PTCHD4: variants seen among roughly 807,000 people sequenced by gnomAD.
PTCHD4 encodes patched domain containing 4.
PTCHD4 carries 33 observed loss-of-function variants against 58.1 expected under a neutral mutation model. The observed-to-expected ratio is 0.57, with a 90% confidence interval of 0.43 to 0.76. The LOEUF is 0.76. Ranked by LOEUF, PTCHD4 falls within the 30% of genes least tolerant of loss-of-function variation. The probability of loss-of-function intolerance (pLI) is 0.00; values close to 1 mark genes in which losing one functional copy is unlikely to be tolerated. For synonymous variants in PTCHD4, 478 were observed against 409.6 expected (o/e 1.17, Z -2.02); for missense variants, 1,058 against 1,027.1 (o/e 1.03, Z -0.41).
rs145954910 is a variant in PTCHD4 at position 47,943,621 on chromosome 6, C to T, written c.899-63685G>A. ...GTGGTCAGCCAAATCCCCCCTGCTG[C>T]TTGTTTTTGTAAACAACGTTTTATT... On this transcript the variant is annotated intron_variant, in intron 4 of 4. Transcript: ENST00000339488. Among the ~76,000 whole-genome samples, 275 of 152,140 alleles carry T rather than the reference C, an allele frequency of 1.8e-3. 1 individual carries two copies. The highest frequency in any genetic ancestry group is 6.3e-3 in the African/African-American group (262 of 41,532).
At chr6:48,095,540 C>G (rs553809213) in intron 1 of PTCHD4, among the ~76,000 whole-genome samples, 31 of 151,966 alleles carry the variant, frequency 2.0e-4, no homozygotes, top group Middle Eastern at 3.4e-3. Flanking sequence ...AAAAAATTAA[C>G]CGGGTGTGGC....
chr6:48,110,762 G>C (rs1765854088), intron 1 of PTCHD4, among the ~76,000 whole-genome samples: 1 of 145,214 alleles, frequency 6.9e-6, no homozygotes, highest in Non-Finnish European at 1.5e-5. Context: ...ACTGTGGTTA[G>C]TAATCTTTTC....
intron 4 of PTCHD4, among the ~76,000 whole-genome samples, chr6:47,991,556 G>T (rs1391203126): frequency 6.6e-6 from 1 of 152,004 alleles, no homozygotes; most frequent in Non-Finnish European, 1.5e-5. Context: ...CGGTAAATAT[G>T]TGTATTAGTA....
intron 3 of PTCHD4, among the ~76,000 whole-genome samples, chr6:48,026,809 G>A (rs1040919063): frequency 2.7e-4 from 41 of 152,186 alleles, no homozygotes; most frequent in African/African-American, 9.4e-4. Flanking sequence ...ATAGTCCATA[G>A]CCTCCACAAG....
chr6:48,007,946 A>G (rs900175172), intron 4 of PTCHD4, among the ~76,000 whole-genome samples: 1 of 151,990 alleles, frequency 6.6e-6, no homozygotes, highest in African/African-American at 2.4e-5. Flanking sequence ...GCACACACAC[A>G]CACACACACA....
chr6:48,055,179 T>G (rs188192675), intron 3 of PTCHD4, among the ~76,000 whole-genome samples: 205 of 152,312 alleles, frequency 1.3e-3, no homozygotes, highest in Non-Finnish European at 2.2e-3. Flanking sequence ...GTAAAAACAT[T>G]TGTTGCTTTA....
intron 4 of PTCHD4, among the ~76,000 whole-genome samples, chr6:47,921,916 G>T (rs1402128527): frequency 6.7e-6 from 1 of 149,168 alleles, no homozygotes; most frequent in Non-Finnish European, 1.5e-5. Context: ...TTTGAGACCA[G>T]CCTGGGCAGC....
At chr6:47,902,826 T>C (rs1245200068) in intron 4 of PTCHD4, among the ~76,000 whole-genome samples, 3 of 152,220 alleles carry the variant, frequency 2.0e-5, no homozygotes, top group African/African-American at 7.2e-5. Context: ...ATGTTTTTCT[T>C]TGTTACAAAG....
chr6:47,909,373 T>G (rs1324923213), intron 4 of PTCHD4, among the ~76,000 whole-genome samples: 1 of 152,160 alleles, frequency 6.6e-6, no homozygotes. Flanking sequence ...TGAAAGGTTT[T>G]GCTCACATGA....
intron 4 of PTCHD4, among the ~76,000 whole-genome samples, chr6:47,956,445 T>G (rs558849662): frequency 9.9e-5 from 15 of 152,128 alleles, no homozygotes; most frequent in Admixed American, 9.2e-4. Flanking sequence ...TATTTTTATT[T>G]TTTTTTGAGA....
At chr6:48,026,352 T>C (rs1463908940) in intron 3 of PTCHD4, among the ~76,000 whole-genome samples, 1 of 152,190 alleles carries the variant, frequency 6.6e-6, no homozygotes, top group African/African-American at 2.4e-5. Flanking sequence ...ACTAACGATA[T>C]GTTTTGCCAG....
At chr6:47,920,755 A>G (rs548410901) in intron 4 of PTCHD4, among the ~76,000 whole-genome samples, 1 of 152,328 alleles carries the variant, frequency 6.6e-6, no homozygotes, top group Non-Finnish European at 1.5e-5. Context: ...ACATAGTGTA[A>G]AGAATTAGCT....
Position 47,859,942 on chromosome 6 carries a change from T to C in PTCHD4, c.*18361A>G, listed in dbSNP as rs1173664631. 6.6e-6 allele frequency among the ~76,000 whole-genome samples: 1 copy of C among 151,552 alleles called. No homozygotes were observed. The highest frequency in any genetic ancestry group is 1.5e-5 in the Non-Finnish European group (1 of 67,788). On this transcript the variant is annotated 3_prime_UTR_variant, in exon 5 of 5. Transcript: ENST00000339488. ...ACAAAGGGGGCAGTGGCTGGAGAAGTGGTCAGAGCAGGAGACAGGGGAACA... is the reference window on the plus strand; with the variant it reads ...ACAAAGGGGGCAGTGGCTGGAGAAGCGGTCAGAGCAGGAGACAGGGGAACA...
At chr6:47,882,725 T>G (rs1764054982) in intron 4 of PTCHD4, among the ~76,000 whole-genome samples, 1 of 148,296 alleles carries the variant, frequency 6.7e-6, no homozygotes, top group Non-Finnish European at 1.5e-5. Context: ...ATGAATCCAT[T>G]TCTAATGATT....
chr6:47,988,332 A>G (rs908240766), intron 4 of PTCHD4, among the ~76,000 whole-genome samples: 14 of 152,170 alleles, frequency 9.2e-5, no homozygotes, highest in African/African-American at 3.4e-4. Flanking sequence ...ACACCCATAC[A>G]ATTTTTTGCA....
intron 4 of PTCHD4, among the ~76,000 whole-genome samples, chr6:48,001,678 C>T (rs574287877): frequency 1.3e-5 from 2 of 152,298 alleles, no homozygotes; most frequent in Non-Finnish European, 2.9e-5. Flanking sequence ...CTAGGCAATA[C>T]CATTCAGGAC....
intron 3 of PTCHD4, among the ~76,000 whole-genome samples, chr6:48,046,780 C>G (rs2114161885): frequency 6.6e-6 from 1 of 151,742 alleles, no homozygotes; most frequent in African/African-American, 2.4e-5. Flanking sequence ...ATAAAGTTTC[C>G]CCAGGAAGAA....
chr6:48,106,254 T>C (rs182706761), intron 1 of PTCHD4, among the ~76,000 whole-genome samples: 1,626 of 152,228 alleles, frequency 0.011, 30 homozygotes, highest in African/African-American at 0.037. Flanking sequence ...TTATCCACCA[T>C]GATCAAGTGG....
chr6:47,960,798 G>A (rs769418784), intron 4 of PTCHD4, among the ~76,000 whole-genome samples: 16 of 151,232 alleles, frequency 1.1e-4, no homozygotes, highest in Non-Finnish European at 2.2e-4. Flanking sequence ...ATATATGAAA[G>A]AAAAAAAGAA....
Sources: allele counts gnomAD v4.1 joint callset (sites outside exome capture counted in the v4.1 genomes callset), GRCh38; gene constraint gnomAD v4.1.1; transcripts MANE v1.5; gene names NCBI Gene and HGNC (gene_info 2026-07-23, HGNC 2026-07-21).